The following ADARB2 variants were observed in gnomAD, a reference collection of about 807,000 sequenced individuals.
ADARB2 encodes the protein inactive double-stranded RNA-specific editase B2.
ADARB2 carries 25 observed loss-of-function variants against 62.2 expected under a neutral mutation model. That is an observed-to-expected ratio of 0.40 (90% CI 0.29 to 0.56). ADARB2 has a LOEUF of 0.56. ADARB2 is among the 20% of genes least tolerant of loss of function. The pLI is 0.43. For synonymous variants in ADARB2, 572 were observed against 500.8 expected (o/e 1.14, Z -1.90); for missense variants, 1,071 against 1,077.4 (o/e 0.99, Z 0.08).
chr10:1,688,984 G>A (rs908510543), intron 1 of ADARB2, among the ~76,000 whole-genome samples: 1 of 152,208 alleles, frequency 6.6e-6, no homozygotes, highest in Non-Finnish European at 1.5e-5. Context: ...AGTACATTTT[G>A]CAGGTGATCA....
At chr10:1,595,047 G>A (rs772831296) in intron 1 of ADARB2, among the ~76,000 whole-genome samples, 5 of 152,272 alleles carry the variant, frequency 3.3e-5, no homozygotes, top group South Asian at 2.1e-4. Flanking sequence ...AGACCTGCCC[G>A]CCCAGCACAG....
intron 1 of ADARB2, among the ~76,000 whole-genome samples, chr10:1,686,305 T>C (rs1341240140): frequency 2.0e-5 from 3 of 152,144 alleles, no homozygotes; most frequent in Non-Finnish European, 4.4e-5. Context: ...AATGAATGGC[T>C]CGGTCATAAA....
intron 1 of ADARB2, among the ~76,000 whole-genome samples, chr10:1,648,346 C>T (rs1834070950): frequency 6.6e-6 from 1 of 152,142 alleles, no homozygotes; most frequent in Admixed American, 6.5e-5. Flanking sequence ...GAAGCTGGGA[C>T]ACAGGAAGAG....
chr10:1,385,945 C>A (rs1240090098), intron 1 of ADARB2, among the ~76,000 whole-genome samples: 4 of 151,998 alleles, frequency 2.6e-5, no homozygotes, highest in African/African-American at 9.7e-5. Flanking sequence ...GAATACAAAT[C>A]AAAAATTTGC....
At chr10:1,528,844 G>A (rs1832182157) in intron 1 of ADARB2, among the ~76,000 whole-genome samples, 2 of 152,198 alleles carry the variant, frequency 1.3e-5, no homozygotes, top group African/African-American at 4.8e-5. Context: ...GATTTTGAAA[G>A]TGTATTTACC....
chr10:1,347,913 C>G (rs1449989804), intron 3 of ADARB2, among the ~76,000 whole-genome samples: 1 of 151,632 alleles, frequency 6.6e-6, no homozygotes, highest in Non-Finnish European at 1.5e-5. Flanking sequence ...GATACGGAGA[C>G]AGAGACAGAC....
At chr10:1,479,472 T>G (rs908896730) in intron 1 of ADARB2, among the ~76,000 whole-genome samples, 1 of 152,102 alleles carries the variant, frequency 6.6e-6, no homozygotes, top group African/African-American at 2.4e-5. Flanking sequence ...GTAGAGCAGC[T>G]TGGAGTAGAG....
At chr10:1,609,638 G>A (rs192490443) in intron 1 of ADARB2, among the ~76,000 whole-genome samples, 37 of 152,352 alleles carry the variant, frequency 2.4e-4, no homozygotes, top group African/African-American at 8.7e-4. Flanking sequence ...TCTCTTAACT[G>A]TGTGTCTGTA....
intron 1 of ADARB2, among the ~76,000 whole-genome samples, chr10:1,703,729 A>G (rs1003905735): frequency 1.3e-5 from 2 of 152,206 alleles, no homozygotes; most frequent in Non-Finnish European, 2.9e-5. Flanking sequence ...TAGGTAAGAG[A>G]ACCCAATGGT....
chr10:1,585,186 A>G (rs941854635), intron 1 of ADARB2, among the ~76,000 whole-genome samples: 4 of 152,046 alleles, frequency 2.6e-5, no homozygotes, highest in Non-Finnish European at 5.9e-5. Flanking sequence ...GGCAGTGCGG[A>G]CAGTGGGGGA....
intron 1 of ADARB2, among the ~76,000 whole-genome samples, chr10:1,462,760 T>C (rs909797147): frequency 6.6e-6 from 1 of 151,178 alleles, no homozygotes; most frequent in Non-Finnish European, 1.5e-5. Flanking sequence ...TGTATGCATG[T>C]GTGTGCATGT....
chr10:1,710,078 C>G (rs922095594), intron 1 of ADARB2, among the ~76,000 whole-genome samples: 1 of 152,200 alleles, frequency 6.6e-6, no homozygotes, highest in Admixed American at 6.5e-5. Context: ...TAAACTTCCA[C>G]GCCTCAAAAC....
intron 1 of ADARB2, among the ~76,000 whole-genome samples, chr10:1,471,934 A>G (rs1831327327): frequency 6.6e-6 from 1 of 152,162 alleles, no homozygotes; most frequent in Admixed American, 6.5e-5. Context: ...GGGTACCGTC[A>G]TTTGACCAAA....
intron 3 of ADARB2, among the ~76,000 whole-genome samples, chr10:1,357,905 C>T (rs1199148569): frequency 6.6e-6 from 1 of 152,244 alleles, no homozygotes. Context: ...TTTGGTAGGT[C>T]TCTGAAACGC....
In ADARB2 at chr10:1,349,750, C is replaced by T. The variant is rs76693044; in HGVS notation, c.1077+13278G>A. 1.7e-4 allele frequency among the ~76,000 whole-genome samples: 26 copies of T among 152,276 alleles called. No homozygotes were observed. In the East Asian group the frequency reaches 4.0e-3, roughly 24 times the overall value. On this transcript the variant is annotated intron_variant, in intron 3 of 9. Transcript: ENST00000381312. ...TGACCCAAAACTCCGGCGCTGGTCA[C>T]GGACTTGGGAAGGCAGCCTTCCCTT...
chr10:1,545,942 G>T (rs1360555945), intron 1 of ADARB2, among the ~76,000 whole-genome samples: 1 of 152,092 alleles, frequency 6.6e-6, no homozygotes, highest in Non-Finnish European at 1.5e-5. Flanking sequence ...GACCCTTCTG[G>T]TCTTAAAGCT....
chr10:1,278,482 T>G (rs1189535861), intron 3 of ADARB2, among the ~76,000 whole-genome samples: 1 of 151,312 alleles, frequency 6.6e-6, no homozygotes, highest in Non-Finnish European at 1.5e-5. Context: ...CTGTGAGTAC[T>G]CTTATGTTTA....
At chr10:1,722,664 A>G (rs957907336) in intron 1 of ADARB2, among the ~76,000 whole-genome samples, 6 of 152,218 alleles carry the variant, frequency 3.9e-5, no homozygotes, top group Non-Finnish European at 8.8e-5. Flanking sequence ...CTCTTGGGAA[A>G]TAGAATGAAA....
chr10:1,492,070 C>T (rs981400067), intron 1 of ADARB2, among the ~76,000 whole-genome samples: 1 of 152,126 alleles, frequency 6.6e-6, no homozygotes. Context: ...TGAGTTTCTG[C>T]TTTTTGATTT....
Sources: allele counts gnomAD v4.1 joint callset (sites outside exome capture counted in the v4.1 genomes callset), GRCh38; gene constraint gnomAD v4.1.1; transcripts MANE v1.5; gene names NCBI Gene and HGNC (gene_info 2026-07-23, HGNC 2026-07-21).